PCDHA1: variants seen among roughly 807,000 people sequenced by gnomAD.
PCDHA1 encodes protocadherin alpha 1, also known as protocadherin alpha-1.
PCDHA1 carries 42 observed loss-of-function variants against 61.3 expected under a neutral mutation model. The observed-to-expected ratio is 0.69, with a 90% confidence interval of 0.54 to 0.89. The LOEUF (loss-of-function observed/expected upper bound fraction) is 0.89. Among genes scored for constraint, PCDHA1 ranks in the 40% least tolerant of loss-of-function variants. PCDHA1 has a pLI of 0.00. For synonymous variants in PCDHA1, 610 were observed against 553.8 expected (o/e 1.10, Z -1.43); for missense variants, 1,256 against 1,235.3 (o/e 1.02, Z -0.25).
chr5:140,823,863 C>T, intron 1 of PCDHA1: 1 of 1,613,882 alleles, frequency 6.2e-7, no homozygotes, highest in Non-Finnish European at 8.5e-7. Context: ...TGGATGTCAA[C>T]GTGTACCTGA....
chr5:140,862,513 A>G, intron 1 of PCDHA1: 1 of 408,216 alleles, frequency 2.4e-6, no homozygotes, highest in Non-Finnish European at 4.9e-6. Context: ...ACTCGCTTTC[A>G]TTGTTGGCCA....
At chr5:140,888,557 T>G (rs2153424359) in intron 1 of PCDHA1, among the ~76,000 whole-genome samples, 1 of 152,366 alleles carries the variant, frequency 6.6e-6, no homozygotes, top group East Asian at 1.9e-4. Flanking sequence ...TTTATTCCTT[T>G]CAAGGCTTCA....
At chr5:140,829,703 C>T (rs1770501919) in intron 1 of PCDHA1, 1 of 1,613,284 alleles carries the variant, frequency 6.2e-7, no homozygotes, top group Non-Finnish European at 8.5e-7. Flanking sequence ...GGTGAGCGCG[C>T]GCGACGCGGG....
intron 1 of PCDHA1, chr5:140,883,869 A>G: frequency 6.2e-7 from 1 of 1,613,112 alleles, no homozygotes; most frequent in South Asian, 1.1e-5. Context: ...TTGCAGTTCC[A>G]GGTGAGCGCG....
chr5:140,900,312 T>C (rs902600593), intron 1 of PCDHA1, among the ~76,000 whole-genome samples: 1 of 151,284 alleles, frequency 6.6e-6, no homozygotes, highest in African/African-American at 2.4e-5. Flanking sequence ...AGTCTCACTT[T>C]TGTCGCCCAG....
chr5:140,877,240 G>T, intron 1 of PCDHA1: 1 of 1,613,736 alleles, frequency 6.2e-7, no homozygotes, highest in Non-Finnish European at 8.5e-7. Flanking sequence ...TGCGGGCCAC[G>T]TGGTGGCGAA....
At chr5:140,843,750 A>G (rs2150366095) in intron 1 of PCDHA1, 5 of 1,520,464 alleles carry the variant, frequency 3.3e-6, no homozygotes, top group South Asian at 1.2e-5. Context: ...CATAAATTCT[A>G]TTTGTGGAAA....
At chr5:140,795,988 G>T in intron 1 of PCDHA1, 2 of 1,614,070 alleles carry the variant, frequency 1.2e-6, no homozygotes, top group Middle Eastern at 1.6e-4. Flanking sequence ...AAAACTTGTG[G>T]ACATCAATGA....
chr5:140,809,124 G>A (rs147674000), intron 1 of PCDHA1: 7 of 1,613,980 alleles, frequency 4.3e-6, no homozygotes, highest in Admixed American at 1.7e-5. Flanking sequence ...CCGCGCCACC[G>A]CCTACTGGTA....
chr5:140,841,385 G>A, intron 1 of PCDHA1: 1 of 1,613,440 alleles, frequency 6.2e-7, no homozygotes, highest in Non-Finnish European at 8.5e-7. Flanking sequence ...TCTGCTCCTC[G>A]CAGCCTGGAA....
Position 141,009,541 on chromosome 5 carries a change from A to G in PCDHA1, c.2543-86A>G. 8 of 1,530,282 alleles carry G rather than the reference A, an allele frequency of 5.2e-6. No homozygotes were observed. The South Asian group carries it at 6.6e-5, about 13-fold the overall frequency. 94.8% of individuals were successfully genotyped at this position (1,530,282 alleles called of 1,614,324 possible). Reference sequence around the variant, plus strand: ...TTTTCTGGGGAGGTTCAGCCTGCCTATGCAGTACTCCTGTACTCTACCAGC... The same window carrying G: ...TTTTCTGGGGAGGTTCAGCCTGCCTGTGCAGTACTCCTGTACTCTACCAGC... On this transcript the variant is annotated intron_variant, in intron 3 of 3. Coordinates refer to ENST00000504120, the MANE Select transcript of PCDHA1 (RefSeq NM_018900.4).
At chr5:140,867,409 T>C (rs1299874634) in intron 1 of PCDHA1, 1 of 152,170 alleles carries the variant, frequency 6.6e-6, no homozygotes, top group Admixed American at 6.5e-5. Context: ...ATGTCTCCTT[T>C]AATTTTTTAA....
intron 1 of PCDHA1, among the ~76,000 whole-genome samples, chr5:140,897,071 A>AT (rs1433909021): frequency 3.3e-5 from 5 of 151,872 alleles, no homozygotes; most frequent in African/African-American, 1.2e-4. Flanking sequence ...TGTCTTATTC[A>AT]TTTTTTCTAT....
At chr5:140,876,616 A>C (rs2056459535) in intron 1 of PCDHA1, 1 of 1,614,196 alleles carries the variant, frequency 6.2e-7, no homozygotes, top group Non-Finnish European at 8.5e-7. Flanking sequence ...CTCTGGAGCC[A>C]ATGGACAGGT....
intron 1 of PCDHA1, among the ~76,000 whole-genome samples, chr5:140,794,490 G>A (rs1761861320): frequency 6.6e-6 from 1 of 152,208 alleles, no homozygotes; most frequent in Non-Finnish European, 1.5e-5. Context: ...TGGAGTGACG[G>A]TGAAAAGCGG....
At chr5:140,884,698 A>G (rs782573200) in intron 1 of PCDHA1, 13 of 1,502,610 alleles carry the variant, frequency 8.7e-6, no homozygotes, top group African/African-American at 1.4e-5. Context: ...CTTAGTAAAC[A>G]CTTTAGCCTT....
intron 1 of PCDHA1, chr5:140,834,353 G>A: frequency 6.5e-7 from 1 of 1,537,316 alleles, no homozygotes; most frequent in South Asian, 1.3e-5. Context: ...GGCAAGTTTT[G>A]CTGACTAGAA....
At chr5:140,817,814 T>G (rs1289850522) in intron 1 of PCDHA1, among the ~76,000 whole-genome samples, 2 of 152,208 alleles carry the variant, frequency 1.3e-5, no homozygotes. Flanking sequence ...CGTTTTTATA[T>G]ATCTGGAAAT....
chr5:140,853,428 C>A, intron 1 of PCDHA1: 1 of 985,626 alleles, frequency 1.0e-6, no homozygotes, highest in African/African-American at 1.8e-5. Flanking sequence ...AGAAGAGACA[C>A]TTTCCTATTT....
Sources: gnomAD v4.1 joint callset for allele counts (sites outside exome capture counted in the v4.1 genomes callset) on GRCh38, gnomAD v4.1.1 for gene constraint, MANE v1.5 for transcripts, NCBI Gene and HGNC (gene_info 2026-07-23, HGNC 2026-07-21) for gene names.